JMJD1C: variants seen among roughly 807,000 people sequenced by gnomAD.
JMJD1C encodes the protein jumonji domain-containing protein 1C.
JMJD1C carries 31 observed loss-of-function variants against 245.3 expected under a neutral mutation model. The observed-to-expected ratio is 0.13, with a 90% CI of 0.09 to 0.17. The LOEUF (loss-of-function observed/expected upper bound fraction) is 0.17, where lower values mean the gene tolerates loss of function less well. Among genes scored for constraint, JMJD1C ranks in the 10% least tolerant of loss-of-function variants. JMJD1C has a pLI of 1.00. For synonymous variants in JMJD1C, 1,057 were observed against 1,017.4 expected, an observed-to-expected ratio of 1.04 and a Z score of -0.74; for missense variants, 2,691 against 3,000.2, an observed-to-expected ratio of 0.90 and a Z score of 2.41.
At chr10:63,429,461 C>A (rs1439457038) in intron 1 of JMJD1C, among the ~76,000 whole-genome samples, 1 of 152,130 alleles carries the variant, frequency 6.6e-6, no homozygotes, top group African/African-American at 2.4e-5. Flanking sequence ...CATTTATTGG[C>A]CAGAATTAGT....
At chr10:63,462,367 T>C (rs920526960) in intron 1 of JMJD1C, among the ~76,000 whole-genome samples, 3 of 152,220 alleles carry the variant, frequency 2.0e-5, no homozygotes, top group Admixed American at 6.5e-5. Context: ...AATCTTACTT[T>C]ATTTGTATTA....
chr10:63,390,740 G>A (rs1020841786), intron 1 of JMJD1C, among the ~76,000 whole-genome samples: 6 of 151,984 alleles, frequency 3.9e-5, no homozygotes, highest in Non-Finnish European at 8.8e-5. Context: ...TATGTAAATC[G>A]ACAGTCATGA....
intron 2 of JMJD1C, among the ~76,000 whole-genome samples, chr10:63,369,174 G>C (rs376782731): frequency 2.2e-5 from 3 of 139,460 alleles, no homozygotes; most frequent in South Asian, 2.3e-4. Flanking sequence ...TCCTCTTCTC[G>C]TCTCACTCTG....
At position 63,465,938 on chromosome 10, in the gene JMJD1C, G is replaced by A. The variant is rs1462442312; in HGVS notation, c.-276C>T. 13 of 562,296 alleles carry A rather than the reference G, an allele frequency of 2.3e-5. No individual in the cohort carries two copies. Among genetic ancestry groups the A allele is most frequent in the African/African-American group, 5.6e-5 (3 of 53,338 alleles). 34.8% of individuals were successfully genotyped at this position (562,296 alleles called of 1,614,324 possible). ...ACCCAACGCGGCCGTCGAAGACCCC[G>A]AGGCAGCCCAGCCGCCGCCACCGCG... is the stretch of plus-strand genomic sequence containing the variant. On this transcript the variant is annotated 5_prime_UTR_variant, in exon 1 of 26. Coordinates refer to ENST00000399262, the MANE Select transcript of JMJD1C (RefSeq NM_032776.3).
intron 2 of JMJD1C, among the ~76,000 whole-genome samples, chr10:63,340,638 T>C (rs1433576711): frequency 2.0e-5 from 3 of 152,130 alleles, no homozygotes; most frequent in African/African-American, 7.2e-5. Context: ...CATATATTAA[T>C]ATAACGTGAA....
chr10:63,192,860 T>C (rs1589109932), intron 16 of JMJD1C, 78 bp downstream of exon 16: 1 of 1,095,760 alleles, frequency 9.1e-7, no homozygotes, highest in East Asian at 2.4e-5. Flanking sequence ...TTAACAGTAC[T>C]TTATTGTACA....
intron 1 of JMJD1C, among the ~76,000 whole-genome samples, chr10:63,480,424 C>G (rs1284156498): frequency 6.6e-6 from 1 of 151,250 alleles, no homozygotes; most frequent in Non-Finnish European, 1.5e-5. Context: ...CTCAGGTGAT[C>G]CTCCCACACT....
chr10:63,397,902 T>C (rs1948605220), intron 1 of JMJD1C, among the ~76,000 whole-genome samples: 1 of 152,348 alleles, frequency 6.6e-6, no homozygotes, highest in African/African-American at 2.4e-5. Context: ...AGTTCATAAA[T>C]AATTATTCAG....
intron 1 of JMJD1C, among the ~76,000 whole-genome samples, chr10:63,473,575 G>T (rs10995541): frequency 0.66 from 100,329 of 151,894 alleles, 36,019 homozygotes; most frequent in Non-Finnish European, 0.81. Context: ...GGAATTACAG[G>T]TCACTTATTG....
intron 13 of JMJD1C, among the ~76,000 whole-genome samples, chr10:63,196,944 ACAC>A (rs1294011666): frequency 6.6e-6 from 1 of 151,780 alleles, no homozygotes; most frequent in Non-Finnish European, 1.5e-5. Context: ...CTACAGGAAC[ACAC>A]CACCATGCGC....
At chr10:63,474,350 C>T (rs889491936) in intron 1 of JMJD1C, among the ~76,000 whole-genome samples, 6 of 151,930 alleles carry the variant, frequency 3.9e-5, no homozygotes, top group Non-Finnish European at 5.9e-5. Context: ...AGCGGGCAGC[C>T]GTGAAGAAAA....
intron 1 of JMJD1C, among the ~76,000 whole-genome samples, chr10:63,516,072 T>A (rs2133300161): frequency 6.6e-6 from 1 of 152,250 alleles, no homozygotes; most frequent in South Asian, 2.1e-4. Context: ...TTTTTCCATT[T>A]CCTACCTATC....
In JMJD1C at chr10:63,405,202, T is replaced by C. The variant is rs1185279881; in HGVS notation, c.169-24720A>G. Among the ~76,000 whole-genome samples, 6 of 152,208 alleles carry C rather than the reference T, an allele frequency of 3.9e-5. No individual in the cohort carries two copies. In the South Asian group the frequency reaches 6.2e-4, roughly 16 times the overall value. On this transcript the variant is annotated intron_variant, in intron 1 of 25. Transcript: ENST00000399262. ...AATCCTATAAAGTAGGTATTAAATA[T>C]GTTTTTCAGATGAGAACTCAAGACC... is the stretch of plus-strand genomic sequence containing the variant.
At chr10:63,243,117 A>T (rs1158593067) in intron 3 of JMJD1C, among the ~76,000 whole-genome samples, 4 of 86,912 alleles carry the variant, frequency 4.6e-5, no homozygotes, top group Admixed American at 1.1e-4. Flanking sequence ...ATATATATAT[A>T]TATATATAAA....
intron 3 of JMJD1C, among the ~76,000 whole-genome samples, chr10:63,263,551 C>G (rs1855068897): frequency 6.6e-6 from 1 of 152,194 alleles, no homozygotes; most frequent in African/African-American, 2.4e-5. Flanking sequence ...CTCATCCTTT[C>G]TTTCCATGCA....
intron 3 of JMJD1C, among the ~76,000 whole-genome samples, chr10:63,245,133 CAAAAAAAAA>C (rs71025133): frequency 7.6e-5 from 5 of 65,694 alleles, no homozygotes; most frequent in Admixed American, 4.7e-4. Context: ...GACTCTGTCT[CAAAAAAAAA>C]AAAAAAAAAA....
intron 2 of JMJD1C, among the ~76,000 whole-genome samples, chr10:63,365,834 A>T (rs1945787831): frequency 6.6e-6 from 1 of 152,344 alleles, no homozygotes; most frequent in South Asian, 2.1e-4. Context: ...TGAAAGATCA[A>T]CCTTATTGAA....
intron 1 of JMJD1C, among the ~76,000 whole-genome samples, chr10:63,380,775 C>G (rs1947151754): frequency 6.6e-6 from 1 of 152,176 alleles, no homozygotes; most frequent in Non-Finnish European, 1.5e-5. Context: ...CTCCTTCTAT[C>G]TAATTGTAGG....
In JMJD1C at chr10:63,394,808, C is replaced by T. The variant is rs186383759; in HGVS notation, c.169-14326G>A. 6.1e-5 allele frequency among the ~76,000 whole-genome samples: 9 copies of T among 148,136 alleles called. No homozygotes were observed. The East Asian group carries it at 1.4e-3, about 23-fold the overall frequency. ...GCAGTGAGCGGAGATCACGCCATTG[C>T]ACTCTAGCCTGGGCAACAAGAGTGA... On this transcript the variant is annotated intron_variant, in intron 1 of 25. Coordinates refer to ENST00000399262, the MANE Select transcript of JMJD1C (RefSeq NM_032776.3).
Sources: gnomAD v4.1 joint callset for allele counts (sites outside exome capture counted in the v4.1 genomes callset) on GRCh38, gnomAD v4.1.1 for gene constraint, MANE v1.5 for transcripts, NCBI Gene and HGNC (gene_info 2026-07-23, HGNC 2026-07-21) for gene names.